Variants in ROBO2 observed in about 807,000 individuals in gnomAD.
ROBO2 encodes roundabout homolog 2.
In ROBO2, 53 loss-of-function variants were observed where a neutral mutation model predicts 160.8. The ratio of observed to expected loss-of-function variants is 0.33; its 90% CI spans 0.26 to 0.41. The LOEUF (loss-of-function observed/expected upper bound fraction) is 0.41, where lower values mean the gene tolerates loss of function less well. Among genes scored for constraint, ROBO2 ranks in the 10% least tolerant of loss-of-function variants. The pLI, the probability that ROBO2 is intolerant of heterozygous loss-of-function variation, is 1.00. For missense variants in ROBO2, 1,577 were observed against 1,722.4 expected (o/e 0.92, Z 1.49); for synonymous variants, 664 against 611.7 (o/e 1.09, Z -1.26).
intron 2 of ROBO2, among the ~76,000 whole-genome samples, chr3:76,499,083 C>T (rs1231094860): frequency 6.6e-6 from 1 of 152,158 alleles, no homozygotes; most frequent in African/African-American, 2.4e-5. Flanking sequence ...CTAGTCTTTA[C>T]CTTACTCCTG....
intron 2 of ROBO2, among the ~76,000 whole-genome samples, chr3:77,327,114 T>C (rs1203960523): frequency 2.0e-5 from 3 of 152,220 alleles, no homozygotes; most frequent in South Asian, 2.1e-4. Flanking sequence ...GAATTTATCA[T>C]AGAAATGTTG....
intron 1 of ROBO2, among the ~76,000 whole-genome samples, chr3:77,077,229 G>T (rs1245672096): frequency 1.3e-5 from 2 of 152,060 alleles, no homozygotes; most frequent in African/African-American, 4.8e-5. Context: ...CAAAGCTTGT[G>T]GTGAGAATGA....
At chr3:77,220,321 C>T (rs1357378853) in intron 2 of ROBO2, among the ~76,000 whole-genome samples, 6 of 152,040 alleles carry the variant, frequency 3.9e-5, no homozygotes, top group African/African-American at 1.4e-4. Context: ...AGAAAACATA[C>T]TATAGCTTTT....
At position 77,050,954 on chromosome 3, in the gene ROBO2, G is replaced by T. The variant is rs558981440; in HGVS notation, c.61+10108G>T. On this transcript the variant is annotated intron_variant, in intron 1 of 25. Transcript: ENST00000461745. ...GATTGCTTGTGTCTGCGAGGTCAAG[G>T]CTGCAGTGAGCTGTGAGTACACCAC... Among the ~76,000 whole-genome samples, 43 of 151,520 alleles carry T rather than the reference G, an allele frequency of 2.8e-4. No individual in the cohort carries two copies. In the South Asian group the frequency reaches 8.8e-3, roughly 31 times the overall value.
chr3:76,998,429 A>G (rs1050328196), intron 2 of ROBO2, among the ~76,000 whole-genome samples: 2 of 152,184 alleles, frequency 1.3e-5, no homozygotes, highest in African/African-American at 4.8e-5. Context: ...TCCTAGTCTC[A>G]GGTCATATTC....
chr3:76,795,095 A>G (rs2063602060), intron 2 of ROBO2, among the ~76,000 whole-genome samples: 1 of 152,104 alleles, frequency 6.6e-6, no homozygotes, highest in African/African-American at 2.4e-5. Flanking sequence ...ATGTCTAAAA[A>G]TGTTAATATA....
chr3:75,984,170 G>A (rs1396532637), intron 2 of ROBO2, among the ~76,000 whole-genome samples: 3 of 151,468 alleles, frequency 2.0e-5, no homozygotes, highest in Admixed American at 6.6e-5. Flanking sequence ...ATTCAAAGAT[G>A]TATACTTAGA....
intron 15 of ROBO2, among the ~76,000 whole-genome samples, chr3:77,578,300 G>C (rs930320168): frequency 1.3e-5 from 2 of 151,936 alleles, no homozygotes; most frequent in African/African-American, 4.8e-5. Flanking sequence ...GTTGTGATTA[G>C]ACCACATGTG....
chr3:76,901,193 G>A (rs1303099617), intron 2 of ROBO2, among the ~76,000 whole-genome samples: 1 of 151,818 alleles, frequency 6.6e-6, no homozygotes. Context: ...AGTATTCTCT[G>A]CCACTTTTCC....
intron 2 of ROBO2, among the ~76,000 whole-genome samples, chr3:77,403,995 C>T (rs981771212): frequency 6.6e-6 from 1 of 151,984 alleles, no homozygotes; most frequent in African/African-American, 2.4e-5. Flanking sequence ...AAATAAAACA[C>T]TAGCACCAGC....
At chr3:77,586,880 A>C (rs2153682328) in intron 16 of ROBO2, among the ~76,000 whole-genome samples, 1 of 149,480 alleles carries the variant, frequency 6.7e-6, no homozygotes, top group Non-Finnish European at 1.5e-5. Context: ...ATATATGTAT[A>C]ATAATTAAAG....
intron 2 of ROBO2, among the ~76,000 whole-genome samples, chr3:76,695,783 G>A (rs934285987): frequency 6.6e-6 from 1 of 152,106 alleles, no homozygotes; most frequent in Non-Finnish European, 1.5e-5. Flanking sequence ...TGTATAACTT[G>A]GGCAAGTCAC....
At chr3:76,353,355 C>T (rs1464131551) in intron 2 of ROBO2, among the ~76,000 whole-genome samples, 2 of 151,762 alleles carry the variant, frequency 1.3e-5, no homozygotes, top group Admixed American at 1.3e-4. Flanking sequence ...ACTTTAATAA[C>T]GAAGGAGAAA....
At chr3:77,371,917 A>G (rs1334875802) in intron 2 of ROBO2, among the ~76,000 whole-genome samples, 5 of 152,242 alleles carry the variant, frequency 3.3e-5, no homozygotes. Flanking sequence ...GTAATGAATA[A>G]CAGAATATTA....
intron 6 of ROBO2, among the ~76,000 whole-genome samples, chr3:77,538,125 A>AT (rs2092255993): frequency 6.6e-6 from 1 of 151,272 alleles, no homozygotes. Context: ...AAACAAAAAA[A>AT]ATAGTTAATT....
chr3:77,382,362 T>TAAAAA (rs138278147), intron 2 of ROBO2, among the ~76,000 whole-genome samples: 29,052 of 148,940 alleles, frequency 0.2, 2,941 homozygotes, highest in East Asian at 0.32. Context: ...TTTTTTTTTT[T>TAAAAA]AAAAAGTCTT....
chr3:76,447,188 T>C (rs934794702), intron 2 of ROBO2, among the ~76,000 whole-genome samples: 8 of 152,062 alleles, frequency 5.3e-5, no homozygotes, highest in Non-Finnish European at 7.3e-5. Flanking sequence ...CTCAAACAAA[T>C]TTACAAGAAA....
chr3:76,046,856 C>T (rs1277745126), intron 2 of ROBO2, among the ~76,000 whole-genome samples: 2 of 150,504 alleles, frequency 1.3e-5, no homozygotes, highest in Non-Finnish European at 2.9e-5. Context: ...CTCCTTTGTG[C>T]ATGTTAATTG....
chr3:76,984,097 A>T (rs1273757650), intron 2 of ROBO2, among the ~76,000 whole-genome samples: 3 of 152,010 alleles, frequency 2.0e-5, no homozygotes, highest in African/African-American at 7.2e-5. Flanking sequence ...CAAGAACAGC[A>T]TGGGGGAAAC....
Sources: allele counts gnomAD v4.1 joint callset (sites outside exome capture counted in the v4.1 genomes callset), GRCh38; gene constraint gnomAD v4.1.1; transcripts MANE v1.5; gene names NCBI Gene and HGNC (gene_info 2026-07-23, HGNC 2026-07-21).